Variants in TSPEAR observed in about 807,000 individuals in gnomAD.
TSPEAR encodes thrombospondin type laminin G domain and EAR repeats.
A neutral mutation model predicts 71.6 loss-of-function variants in TSPEAR; 69 were observed. The observed-to-expected ratio is 0.96, with a 90% CI of 0.79 to 1.18. The LOEUF (loss-of-function observed/expected upper bound fraction) is 1.18. Among genes scored for constraint, TSPEAR ranks in the 50% most tolerant of loss-of-function variants. The pLI, the probability that TSPEAR is intolerant of heterozygous loss-of-function variation, is 0.00. For missense variants in TSPEAR, 971 were observed against 894.9 expected, an observed-to-expected ratio of 1.09 and a Z score of -1.09; for synonymous variants, 402 against 387.2, an observed-to-expected ratio of 1.04 and a Z score of -0.45.
At chr21:44,501,523 G>A (rs911665795) in intron 11 of TSPEAR, among the ~76,000 whole-genome samples, 28 of 152,222 alleles carry the variant, frequency 1.8e-4, no homozygotes, top group Admixed American at 1.8e-3. Flanking sequence ...CGTGAACCCA[G>A]GAGGCGGAGC....
chr21:44,696,978 A>G (rs988430188), intron 1 of TSPEAR, among the ~76,000 whole-genome samples: 1 of 151,854 alleles, frequency 6.6e-6, no homozygotes, highest in African/African-American at 2.4e-5. Flanking sequence ...ATAAGCTCCT[A>G]GCACCCAGAC....
At chr21:44,646,998 C>T (rs782765379) in intron 1 of TSPEAR, 2 of 1,613,788 alleles carry the variant, frequency 1.2e-6, no homozygotes, top group Non-Finnish European at 1.7e-6. Context: ...CTTGCTGCAC[C>T]TCCTCCTCCT....
rs918032247 is a variant in TSPEAR, at chr21:44,631,559, A to T, written c.83-63554T>A. On this transcript the variant is annotated intron_variant, in intron 1 of 11. Transcript: ENST00000323084. ...ATAGTGAAACCCTGTCTCTACTAAA[A>T]ATAAAATAAATAAATAAATAGCTGG... 3.3e-5 allele frequency among the ~76,000 whole-genome samples: 5 copies of T among 152,080 alleles called. No individual in the cohort carries two copies. The South Asian group carries it at 1.0e-3, about 32-fold the overall frequency.
intron 1 of TSPEAR, among the ~76,000 whole-genome samples, chr21:44,655,608 C>G (rs1165271912): frequency 6.6e-6 from 1 of 152,228 alleles, no homozygotes; most frequent in Non-Finnish European, 1.5e-5. Context: ...TCTGATCAGT[C>G]TCACCCCTGC....
At chr21:44,588,969 G>A (rs1979552372) in intron 1 of TSPEAR, among the ~76,000 whole-genome samples, 1 of 151,784 alleles carries the variant, frequency 6.6e-6, no homozygotes, top group African/African-American at 2.4e-5. Context: ...AAAGGCATAA[G>A]AATGACACAA....
chr21:44,605,723 C>T (rs1442289119), intron 1 of TSPEAR, among the ~76,000 whole-genome samples: 1 of 152,192 alleles, frequency 6.6e-6, no homozygotes, highest in Non-Finnish European at 1.5e-5. Flanking sequence ...CTTCAATAAT[C>T]AGTGTTGGGA....
chr21:44,535,492 C>CA (rs1243091276), intron 2 of TSPEAR, among the ~76,000 whole-genome samples: 25 of 152,176 alleles, frequency 1.6e-4, no homozygotes, highest in African/African-American at 5.6e-4. Context: ...TTTCAGTTGA[C>CA]AGTGGACAGC....
intron 1 of TSPEAR, chr21:44,681,969 G>A (rs1555948094): frequency 6.2e-7 from 1 of 1,613,852 alleles, no homozygotes. Flanking sequence ...GCACACAGAG[G>A]ACTGGCATCT....
rs587694649 is a variant in TSPEAR at position 44,652,590 on chromosome 21, G to A, written c.82+58843C>T. On this transcript the variant is annotated intron_variant, in intron 1 of 11. Transcript: ENST00000323084. ...GTCTTACGAAGGGGGAATTCTCCTCGTTGAAAGATACTAGGTAGGAATGGC... is the reference window on the plus strand; with the variant it reads ...GTCTTACGAAGGGGGAATTCTCCTCATTGAAAGATACTAGGTAGGAATGGC... Among the ~76,000 whole-genome samples the A allele has an allele frequency of 2.0e-4, 31 of 152,218 alleles. No individual in the cohort carries two copies. In the South Asian group the frequency reaches 4.6e-3, roughly 22 times the overall value.
chr21:44,504,432 G>A (rs2052145321), intron 11 of TSPEAR, among the ~76,000 whole-genome samples: 2 of 143,662 alleles, frequency 1.4e-5, no homozygotes, highest in South Asian at 4.5e-4. Context: ...GGAGGAAGCT[G>A]GCCTCAGTGA....
At chr21:44,655,942 T>C (rs1762815387) in intron 1 of TSPEAR, among the ~76,000 whole-genome samples, 1 of 152,132 alleles carries the variant, frequency 6.6e-6, no homozygotes, top group African/African-American at 2.4e-5. Context: ...ACCACATTAA[T>C]GAAATCCCCT....
intron 1 of TSPEAR, among the ~76,000 whole-genome samples, chr21:44,653,024 G>A (rs1028572945): frequency 3.8e-4 from 58 of 152,058 alleles, no homozygotes; most frequent in African/African-American, 1.2e-3. Flanking sequence ...CAAGCGTGGC[G>A]GCGGGCACCT....
rs1406171090 is a variant in TSPEAR at position 44,506,450 on chromosome 21, C to T, written c.1755-1569G>A. ...AGAGGGGCCTCATCCCGGTGCTTCC[C>T]TGCAGGCAGTTGTGGGGCCGGCCTG... On this transcript the variant is annotated intron_variant, in intron 10 of 11. Transcript: ENST00000323084. This position sits in a 1 kb window ranked among gnomAD's most constrained non-coding sequence, Gnocchi z 4.2. 6.6e-6 allele frequency among the ~76,000 whole-genome samples: 1 copy of T among 152,258 alleles called. No individual in the cohort carries two copies. The highest frequency in any genetic ancestry group is 1.9e-4 in the East Asian group (1 of 5,202).
At chr21:44,508,879 G>A (rs782719468) in intron 10 of TSPEAR, 52 of 1,442,672 alleles carry the variant, frequency 3.6e-5, no homozygotes, top group Admixed American at 1.3e-4. Flanking sequence ...CTATCCCTCC[G>A]CACGACGGGC....
At chr21:44,577,762 T>C (rs1381997394) in intron 1 of TSPEAR, among the ~76,000 whole-genome samples, 1 of 152,238 alleles carries the variant, frequency 6.6e-6, no homozygotes, top group Non-Finnish European at 1.5e-5. Flanking sequence ...CCTAGTTTTT[T>C]TAAAGACAAA....
rs199549583 is a variant in TSPEAR at position 44,539,977 on chromosome 21, G to A, written c.304-6054C>T. 2.3e-3 allele frequency: 3,666 copies of A among 1,613,372 alleles called. 88 individuals are homozygous for A. The South Asian group carries it at 0.038, about 17-fold the overall frequency. Reference sequence around the variant, plus strand: ...AGGGGCTGGGCTCACAGGCTGCCTGGCAGCAGGGGCTGGACACACGGCTCA... The same window carrying A: ...AGGGGCTGGGCTCACAGGCTGCCTGACAGCAGGGGCTGGACACACGGCTCA... On this transcript the variant is annotated intron_variant, in intron 2 of 11. Transcript: ENST00000323084.
intron 1 of TSPEAR, among the ~76,000 whole-genome samples, chr21:44,663,541 C>A (rs1168081939): frequency 1.3e-5 from 2 of 151,986 alleles, no homozygotes; most frequent in Non-Finnish European, 2.9e-5. Flanking sequence ...GGAAATATAA[C>A]CAATTCTACA....
intron 1 of TSPEAR, among the ~76,000 whole-genome samples, chr21:44,704,146 T>C (rs1258536179): frequency 4.6e-5 from 7 of 152,120 alleles, no homozygotes; most frequent in African/African-American, 1.2e-4. Flanking sequence ...AGAACAGGGT[T>C]GGTGTAAATG....
In TSPEAR at chr21:44,579,807, C is replaced by T. The variant is rs202189076; in HGVS notation, c.83-11802G>A. ...CACGCGGGGCGGCAGAGGAGGGACA[C>T]GCAGGAGGCCGGGCGGCAGCAGCTG... On this transcript the variant is annotated intron_variant, in intron 1 of 11. Coordinates refer to ENST00000323084, the MANE Select transcript of TSPEAR (RefSeq NM_144991.3). 101 of 1,609,640 alleles carry T rather than the reference C, an allele frequency of 6.3e-5. No individual in the cohort carries two copies. The highest frequency in any genetic ancestry group is 2.3e-4 in the East Asian group (10 of 44,380).
Sources: gnomAD v4.1 joint callset for allele counts (sites outside exome capture counted in the v4.1 genomes callset) on GRCh38, gnomAD v4.1.1 for gene constraint, Gnocchi (gnomAD v3.1) non-coding constraint, MANE v1.5 for transcripts, NCBI Gene and HGNC (gene_info 2026-07-23, HGNC 2026-07-21) for gene names.